KIF26B: variants seen among roughly 807,000 people sequenced by gnomAD.
KIF26B encodes kinesin-like protein KIF26B.
In KIF26B, 63 loss-of-function variants were observed where a neutral mutation model predicts 151.2. The ratio of observed to expected loss-of-function variants is 0.42; its 90% CI spans 0.34 to 0.51. The LOEUF (loss-of-function observed/expected upper bound fraction) is 0.51. KIF26B is among the 20% of genes least tolerant of loss of function. The probability of loss-of-function intolerance (pLI) is 0.07; values close to 1 mark genes in which losing one functional copy is unlikely to be tolerated. For synonymous variants in KIF26B, 1,357 were observed against 1,262.1 expected, an observed-to-expected ratio of 1.08 and a Z score of -1.59; for missense variants, 2,813 against 2,913.6, an observed-to-expected ratio of 0.97 and a Z score of 0.79.
intron 2 of KIF26B, among the ~76,000 whole-genome samples, chr1:245,345,931 C>CTTTTTTTTTTTTTTTTT (rs371687031): frequency 1.4e-5 from 2 of 139,358 alleles, no homozygotes; most frequent in South Asian, 2.2e-4. Context: ...TTCTTTCTTT[C>CTTTTTTTTTTTTTTTTT]TTTCTTTTTT....
intron 2 of KIF26B, among the ~76,000 whole-genome samples, chr1:245,216,582 G>T (rs1348239526): frequency 1.3e-5 from 2 of 152,160 alleles, no homozygotes; most frequent in African/African-American, 4.8e-5. Flanking sequence ...TAGATGGTAC[G>T]CAGGCAAGAA....
In KIF26B at chr1:245,306,911, C is replaced by A. The variant is rs13374164; in HGVS notation, c.466-59923C>A. ...GACCCCTAAACTTATCTGATTGGTACGTGATACATTTTTATCACTGGATAG... is the reference window on the plus strand; with the variant it reads ...GACCCCTAAACTTATCTGATTGGTAAGTGATACATTTTTATCACTGGATAG... On this transcript the variant is annotated intron_variant, in intron 2 of 14. Coordinates refer to ENST00000407071, the MANE Select transcript of KIF26B (RefSeq NM_018012.4). Among the ~76,000 whole-genome samples the A allele has an allele frequency of 2.3e-3, 350 of 152,164 alleles. 3 individuals are homozygous for A. The highest frequency in any genetic ancestry group is 8.0e-3 in the African/African-American group (332 of 41,484).
intron 3 of KIF26B, among the ~76,000 whole-genome samples, chr1:245,394,888 C>T (rs1219154081): frequency 3.3e-5 from 5 of 152,106 alleles, no homozygotes; most frequent in Admixed American, 6.5e-5. Flanking sequence ...GATGGGATTT[C>T]ACCATCTTGG....
At chr1:245,545,020 G>A (rs2103105363) in intron 5 of KIF26B, among the ~76,000 whole-genome samples, 1 of 152,230 alleles carries the variant, frequency 6.6e-6, no homozygotes, top group Admixed American at 6.5e-5. Flanking sequence ...ACTTGGAGTT[G>A]AGGCATGCAC....
intron 2 of KIF26B, among the ~76,000 whole-genome samples, chr1:245,191,810 C>G (rs1207218701): frequency 6.6e-6 from 1 of 152,148 alleles, no homozygotes; most frequent in African/African-American, 2.4e-5. Context: ...AAAGGGGAAA[C>G]AAACACACAT....
At chr1:245,647,713 G>A (rs1277678861) in intron 10 of KIF26B, among the ~76,000 whole-genome samples, 1 of 152,190 alleles carries the variant, frequency 6.6e-6, no homozygotes, top group Non-Finnish European at 1.5e-5. Context: ...CACAATGAGT[G>A]CTGGAGTTTT....
chr1:245,685,269 C>A, intron 11 of KIF26B, 136 bp from the exon 12 acceptor site: 1 of 685,202 alleles, frequency 1.5e-6, no homozygotes, highest in Non-Finnish European at 2.4e-6. Flanking sequence ...CCGAGTGGCC[C>A]ACGTGCGGGA....
chr1:245,467,431 A>C (rs1242095380), intron 4 of KIF26B, among the ~76,000 whole-genome samples: 1 of 152,138 alleles, frequency 6.6e-6, no homozygotes, highest in East Asian at 1.9e-4. Flanking sequence ...TCCTGGAGAA[A>C]AGGGTCTTCT....
intron 2 of KIF26B, among the ~76,000 whole-genome samples, chr1:245,296,794 G>A (rs1671344944): frequency 6.6e-6 from 1 of 152,168 alleles, no homozygotes. Context: ...TCAACATTCA[G>A]CTCTTCAAAA....
chr1:245,464,846 G>A (rs1659743422), intron 4 of KIF26B, among the ~76,000 whole-genome samples: 1 of 152,138 alleles, frequency 6.6e-6, no homozygotes, highest in Non-Finnish European at 1.5e-5. Context: ...AATCAATTGT[G>A]AGCAGAGAGC....
At chr1:245,445,300 G>A (rs796935666) in intron 4 of KIF26B, among the ~76,000 whole-genome samples, 2 of 152,076 alleles carry the variant, frequency 1.3e-5, no homozygotes, top group South Asian at 4.1e-4. Flanking sequence ...ACCATCAAAG[G>A]GTCATGGATA....
chr1:245,158,194 C>A (rs1668476603), intron 2 of KIF26B, among the ~76,000 whole-genome samples: 1 of 151,990 alleles, frequency 6.6e-6, no homozygotes, highest in African/African-American at 2.4e-5. Context: ...TTATTTTAGA[C>A]CTTTCTTGAG....
intron 2 of KIF26B, among the ~76,000 whole-genome samples, chr1:245,211,947 C>CTCA (rs1015084284): frequency 2.6e-5 from 4 of 152,194 alleles, no homozygotes; most frequent in African/African-American, 9.6e-5. Context: ...CCGACTGCTC[C>CTCA]TCAGCGGGGG....
chr1:245,631,114 A>C (rs2043777324), intron 9 of KIF26B, among the ~76,000 whole-genome samples: 1 of 152,040 alleles, frequency 6.6e-6, no homozygotes. Flanking sequence ...GATGCCTTTT[A>C]TTTCTTTCTC....
In KIF26B at chr1:245,516,286, C is replaced by T. The variant is rs1660961488; in HGVS notation, c.1167-24481C>T. Among the ~76,000 whole-genome samples the T allele has an allele frequency of 6.6e-6, 1 of 152,146 alleles. No individual in the cohort carries two copies. Among genetic ancestry groups the T allele is most frequent in the South Asian group, 2.1e-4 (1 of 4,818 alleles). Reference sequence around the variant, plus strand: ...ATGGTGTTAGAGTCTGTTTTTCCTTCAGAAAATGCTATTTGCAGAACGGCA... The same window carrying T: ...ATGGTGTTAGAGTCTGTTTTTCCTTTAGAAAATGCTATTTGCAGAACGGCA... On this transcript the variant is annotated intron_variant, in intron 4 of 14. Transcript: ENST00000407071. This position sits in a 1 kb window ranked among gnomAD's most constrained non-coding sequence, Gnocchi z 4.2.
intron 2 of KIF26B, among the ~76,000 whole-genome samples, chr1:245,175,143 A>G (rs1668780852): frequency 1.3e-5 from 2 of 152,314 alleles, no homozygotes; most frequent in Non-Finnish European, 2.9e-5. Flanking sequence ...TAGCAAGGCC[A>G]TTAGATGGTA....
intron 9 of KIF26B, among the ~76,000 whole-genome samples, chr1:245,622,169 A>G (rs2043671089): frequency 6.6e-6 from 1 of 152,214 alleles, no homozygotes; most frequent in Admixed American, 6.5e-5. Context: ...CCAAGCTTGC[A>G]GGGTACAAAA....
In KIF26B at chr1:245,431,185, A is replaced by G. The variant is rs377582674; in HGVS notation, c.1166+11440A>G. Among the ~76,000 whole-genome samples, 9 of 151,740 alleles carry G rather than the reference A, an allele frequency of 5.9e-5. No homozygotes were observed. The East Asian group carries it at 7.8e-4, about 13-fold the overall frequency. On this transcript the variant is annotated intron_variant, in intron 4 of 14. Transcript: ENST00000407071. ...ATAGGGGGAAGCTTTTGGAACAACTACTCTTTTTTTTGAGACAGAGTCTCG... is the reference window on the plus strand; with the variant it reads ...ATAGGGGGAAGCTTTTGGAACAACTGCTCTTTTTTTTGAGACAGAGTCTCG...
At chr1:245,663,259 T>C (rs1259598715) in intron 10 of KIF26B, among the ~76,000 whole-genome samples, 1 of 136,098 alleles carries the variant, frequency 7.3e-6, no homozygotes, top group Non-Finnish European at 1.6e-5. Flanking sequence ...TGCTGCTTGT[T>C]ACCCAGTATC....
Sources: gnomAD v4.1 joint callset for allele counts (sites outside exome capture counted in the v4.1 genomes callset) on GRCh38, gnomAD v4.1.1 for gene constraint, Gnocchi (gnomAD v3.1) non-coding constraint, MANE v1.5 for transcripts, NCBI Gene and HGNC (gene_info 2026-07-23, HGNC 2026-07-21) for gene names.